The following SIAH3 variants were observed in gnomAD, a reference collection of about 807,000 sequenced individuals.
SIAH3 encodes seven in absentia homolog 3.
A neutral mutation model predicts 12.6 loss-of-function variants in SIAH3; 9 were observed. The observed-to-expected ratio is 0.72, with a 90% CI of 0.43 to 1.25. SIAH3 has a LOEUF of 1.25. Ranked by LOEUF, SIAH3 falls within the 50% of genes most tolerant of loss-of-function variation. SIAH3 has a pLI of 0.00. For synonymous variants in SIAH3, 154 were observed against 151.1 expected, an observed-to-expected ratio of 1.02 and a Z score of -0.14; for missense variants, 390 against 365.4, an observed-to-expected ratio of 1.07 and a Z score of -0.55.
chr13:45,783,708 C>T lies in SIAH3; in HGVS notation c.485G>A (p.Cys162Tyr), dbSNP rs1221905772. 3 of 1,614,138 alleles carry T rather than the reference C, an allele frequency of 1.9e-6. No individual in the cohort carries two copies. Among genetic ancestry groups the T allele is most frequent in the Non-Finnish European group, 2.5e-6 (3 of 1,180,004 alleles). The stretch of plus-strand genomic sequence containing the variant: ...CACCAACAGAAAGTGGTGGCCAAGG[C>T]AGGAGTGCATGATGATCCAATCAGC... ...APADWIIMHSCLGHHFLLVLR... is the reference protein window; with the variant it reads ...APADWIIMHSYLGHHFLLVLR... Residue 162 changes from cysteine to tyrosine, a missense_variant, in exon 2 of 2, where the codon TGC becomes TAC. Coordinates refer to ENST00000400405, the MANE Select transcript of SIAH3 (RefSeq NM_198849.3).
chr13:45,793,266 G>C (rs1244354812), intron 1 of SIAH3, among the ~76,000 whole-genome samples: 1 of 152,192 alleles, frequency 6.6e-6, no homozygotes, highest in Non-Finnish European at 1.5e-5. Flanking sequence ...TTACAAATGG[G>C]CAGAGGTGTG....
intron 1 of SIAH3, among the ~76,000 whole-genome samples, chr13:45,792,040 C>T (rs988698859): frequency 1.8e-4 from 27 of 152,294 alleles, no homozygotes; most frequent in Non-Finnish European, 3.1e-4. Context: ...CACACAGAAC[C>T]CCAGAGCCCA....
At chr13:45,803,770 A>G (rs964949474) in intron 1 of SIAH3, among the ~76,000 whole-genome samples, 1 of 152,140 alleles carries the variant, frequency 6.6e-6, no homozygotes, top group Non-Finnish European at 1.5e-5. Context: ...AGCTATGTAT[A>G]AGGAGTTTGA....
intron 1 of SIAH3, among the ~76,000 whole-genome samples, chr13:45,817,182 T>A (rs1188926084): frequency 1.3e-5 from 2 of 152,258 alleles, no homozygotes; most frequent in African/African-American, 2.4e-5. Flanking sequence ...ACAATGGTCA[T>A]CCCATAAGAT....
Position 45,789,578 on chromosome 13 carries a change from T to C in SIAH3, c.136-5521A>G, listed in dbSNP as rs987352151. On this transcript the variant is annotated intron_variant, in intron 1 of 1. Coordinates refer to ENST00000400405, the MANE Select transcript of SIAH3 (RefSeq NM_198849.3). ...CCTGCTACCATACCTGGCTAATTTT[T>C]GTATTTTTAGTAGGGACGGGGTTTC... 2.0e-5 allele frequency among the ~76,000 whole-genome samples: 3 copies of C among 152,124 alleles called. No individual in the cohort carries two copies. The East Asian group carries it at 5.8e-4, about 29-fold the overall frequency.
intron 1 of SIAH3, among the ~76,000 whole-genome samples, chr13:45,785,897 T>C (rs149452539): frequency 2.3e-4 from 35 of 152,324 alleles, no homozygotes; most frequent in African/African-American, 8.2e-4. Flanking sequence ...ATCCTGCTAG[T>C]GATGAGTCTG....
chr13:45,797,095 A>G (rs1418009834), intron 1 of SIAH3, among the ~76,000 whole-genome samples: 1 of 151,890 alleles, frequency 6.6e-6, no homozygotes, highest in Non-Finnish European at 1.5e-5. Context: ...AGTGTCTGCT[A>G]AGATAATTAG....
chr13:45,824,656 T>C (rs1277745283), intron 1 of SIAH3, among the ~76,000 whole-genome samples: 1 of 151,270 alleles, frequency 6.6e-6, no homozygotes, highest in Non-Finnish European at 1.5e-5. Flanking sequence ...TAAATGTCTT[T>C]GGACCTCCAG....
chr13:45,847,423 C>T lies in SIAH3; in HGVS notation c.135+4072G>A, dbSNP rs147337664. ...CATCTCACATCTCTCCTTTCCTGGT[C>T]TCTGCCTCCTCCTCTTCCTTACAGC... On this transcript the variant is annotated intron_variant, in intron 1 of 1. Coordinates refer to ENST00000400405, the MANE Select transcript of SIAH3 (RefSeq NM_198849.3). 6.6e-3 allele frequency among the ~76,000 whole-genome samples: 999 copies of T among 152,282 alleles called. 12 individuals are homozygous for T. The highest frequency in any genetic ancestry group is 0.023 in the African/African-American group (959 of 41,550).
chr13:45,803,320 T>G (rs1950588679), intron 1 of SIAH3, among the ~76,000 whole-genome samples: 1 of 152,174 alleles, frequency 6.6e-6, no homozygotes, highest in Non-Finnish European at 1.5e-5. Context: ...ATGTGCCAGA[T>G]CCTGGTGACA....
chr13:45,803,304 T>C (rs2137559415), intron 1 of SIAH3, among the ~76,000 whole-genome samples: 1 of 152,136 alleles, frequency 6.6e-6, no homozygotes, highest in African/African-American at 2.4e-5. Flanking sequence ...TTATCAGCCC[T>C]CTTTCATGTG....
intron 1 of SIAH3, among the ~76,000 whole-genome samples, chr13:45,828,697 G>A (rs983223599): frequency 5.3e-5 from 8 of 152,180 alleles, no homozygotes; most frequent in African/African-American, 9.7e-5. Flanking sequence ...CAGGGGGCCC[G>A]AGGTGAAGTC....
At chr13:45,814,949 C>T (rs1950629157) in intron 1 of SIAH3, among the ~76,000 whole-genome samples, 1 of 152,118 alleles carries the variant, frequency 6.6e-6, no homozygotes, top group Admixed American at 6.5e-5. Flanking sequence ...TCTCAAACTC[C>T]TGACCTCAAG....
rs993751136 is a variant in SIAH3 at position 45,778,335 on chromosome 13, G to A, written c.*5048C>T. On this transcript the variant is annotated 3_prime_UTR_variant, in exon 2 of 2. Coordinates refer to ENST00000400405, the MANE Select transcript of SIAH3 (RefSeq NM_198849.3). ...CAGGAAATTTGAGCTTTATAGAGCT[G>A]GTTTTGCTTTTTGGATTGGGATAGC... is the stretch of plus-strand genomic sequence containing the variant. 1.3e-5 allele frequency: 2 copies of A among 152,236 alleles called. No homozygotes were observed. The highest frequency in any genetic ancestry group is 2.9e-5 in the Non-Finnish European group (2 of 68,052). 9.4% of individuals were successfully genotyped at this position (152,236 alleles called of 1,614,324 possible).
At chr13:45,846,997 A>T (rs529177326) in intron 1 of SIAH3, among the ~76,000 whole-genome samples, 2 of 152,346 alleles carry the variant, frequency 1.3e-5, no homozygotes, top group Admixed American at 1.3e-4. Flanking sequence ...AAGAGGCTGC[A>T]AAGCCTTTAG....
At chr13:45,793,449 C>G (rs1380760683) in intron 1 of SIAH3, among the ~76,000 whole-genome samples, 1 of 152,164 alleles carries the variant, frequency 6.6e-6, no homozygotes, top group Non-Finnish European at 1.5e-5. Context: ...CTAACTAGGA[C>G]AGGTCTGTAT....
At chr13:45,823,965 G>T (rs1950664882) in intron 1 of SIAH3, among the ~76,000 whole-genome samples, 1 of 152,184 alleles carries the variant, frequency 6.6e-6, no homozygotes, top group Non-Finnish European at 1.5e-5. Context: ...TACATGTGCA[G>T]GCTTGTTACA....
chr13:45,810,452 G>A lies in SIAH3; in HGVS notation c.136-26395C>T, dbSNP rs111444552. On this transcript the variant is annotated intron_variant, in intron 1 of 1. Coordinates refer to ENST00000400405, the MANE Select transcript of SIAH3 (RefSeq NM_198849.3). The stretch of plus-strand genomic sequence containing the variant: ...GAGGTATTTTTCAAACTCTGCTACC[G>A]GCAGCTGGTGTTTGGTGGCTTACAT... 5.3e-5 allele frequency among the ~76,000 whole-genome samples: 8 copies of A among 152,252 alleles called. No homozygotes were observed. In the East Asian group the frequency reaches 1.2e-3, roughly 22 times the overall value.
intron 1 of SIAH3, among the ~76,000 whole-genome samples, chr13:45,846,120 G>A (rs931119673): frequency 6.6e-5 from 7 of 106,608 alleles, no homozygotes; most frequent in Admixed American, 3.7e-4. Flanking sequence ...ACGGAGTTTC[G>A]CTCTTGTTGC....
Sources: allele counts gnomAD v4.1 joint callset (sites outside exome capture counted in the v4.1 genomes callset), GRCh38; gene constraint gnomAD v4.1.1; transcripts MANE v1.5; gene names NCBI Gene and HGNC (gene_info 2026-07-23, HGNC 2026-07-21).